RORA: variants seen among roughly 807,000 people sequenced by gnomAD.
RORA encodes nuclear receptor ROR-alpha.
Under a neutral mutation model 69.5 loss-of-function variants are expected in RORA, and 7 were observed. That is an observed-to-expected ratio of 0.10 (90% CI 0.06 to 0.19). The LOEUF is 0.19. Ranked by LOEUF, RORA falls within the 10% of genes least tolerant of loss-of-function variation. The pLI is 1.00. For missense variants in RORA, 457 were observed against 663.0 expected (o/e 0.69, Z 3.41); for synonymous variants, 261 against 240.8 (o/e 1.08, Z -0.78).
chr15:61,167,417 A>T (rs2079547423), intron 1 of RORA, among the ~76,000 whole-genome samples: 1 of 151,320 alleles, frequency 6.6e-6, no homozygotes, highest in Non-Finnish European at 1.5e-5. Context: ...ATAAACATTG[A>T]GATCCTTATC....
rs1405561893 is a variant in RORA, at chr15:60,941,944, T to C, written c.167-263258A>G. Among the ~76,000 whole-genome samples, 4 of 152,238 alleles carry C rather than the reference T, an allele frequency of 2.6e-5. No individual in the cohort carries two copies. The East Asian group carries it at 7.7e-4, about 29-fold the overall frequency. The stretch of plus-strand genomic sequence containing the variant: ...CATTTTAGGAAGATAATTGTTGATC[T>C]TTGCATTACCCACCAGTCCAGTGAG... On this transcript the variant is annotated intron_variant, in intron 1 of 10. Coordinates refer to ENST00000335670, the MANE Select transcript of RORA (RefSeq NM_134261.3).
At chr15:60,653,947 CA>C (rs2070184266) in intron 2 of RORA, among the ~76,000 whole-genome samples, 1 of 152,124 alleles carries the variant, frequency 6.6e-6, no homozygotes, top group African/African-American at 2.4e-5. Flanking sequence ...GCTTTAGGGT[CA>C]ATTAAAATCT....
intron 2 of RORA, among the ~76,000 whole-genome samples, chr15:60,533,902 T>C (rs901525515): frequency 6.6e-6 from 1 of 152,178 alleles, no homozygotes; most frequent in Non-Finnish European, 1.5e-5. Context: ...CCTCTTTAGG[T>C]CCTAGCATTT....
At chr15:61,087,825 G>A (rs2078647307) in intron 1 of RORA, among the ~76,000 whole-genome samples, 1 of 152,220 alleles carries the variant, frequency 6.6e-6, no homozygotes, top group Non-Finnish European at 1.5e-5. Context: ...GTGTTCTGCA[G>A]TGAATTTATG....
chr15:61,191,364 GCAAA>G (rs1567030896), intron 1 of RORA, among the ~76,000 whole-genome samples: 1 of 17,592 alleles, frequency 5.7e-5, no homozygotes. Flanking sequence ...TCTCCTTGTA[GCAAA>G]AAAAAAAAAA....
chr15:61,228,305 T>G (rs1483687804), intron 1 of RORA, among the ~76,000 whole-genome samples: 1 of 152,086 alleles, frequency 6.6e-6, no homozygotes, highest in African/African-American at 2.4e-5. Context: ...CCCGCCAGCC[T>G]GGGCGCCGGG....
At chr15:60,574,168 A>G (rs544716897) in intron 2 of RORA, among the ~76,000 whole-genome samples, 1 of 152,292 alleles carries the variant, frequency 6.6e-6, no homozygotes, top group South Asian at 2.1e-4. Flanking sequence ...CTCAGCCCCC[A>G]ATTGGAGCTA....
intron 1 of RORA, among the ~76,000 whole-genome samples, chr15:60,750,791 C>A (rs1203452448): frequency 6.6e-6 from 1 of 152,200 alleles, no homozygotes; most frequent in Non-Finnish European, 1.5e-5. Flanking sequence ...ATTCAGTATT[C>A]TAGCAGTTGC....
At chr15:61,160,998 C>T (rs898159501) in intron 1 of RORA, among the ~76,000 whole-genome samples, 2 of 152,206 alleles carry the variant, frequency 1.3e-5, no homozygotes, top group South Asian at 2.1e-4. Context: ...CCATTAAAAG[C>T]CAATTGTATT....
At chr15:60,505,123 GCTTC>G (rs1348809292) in intron 6 of RORA, among the ~76,000 whole-genome samples, 1 of 152,106 alleles carries the variant, frequency 6.6e-6, no homozygotes, top group Non-Finnish European at 1.5e-5. Flanking sequence ...GAAACATGAG[GCTTC>G]CTTGTCAACT....
intron 1 of RORA, among the ~76,000 whole-genome samples, chr15:61,118,639 G>T (rs2079071837): frequency 6.6e-6 from 1 of 152,142 alleles, no homozygotes; most frequent in Non-Finnish European, 1.5e-5. Context: ...TCAGCCAGAG[G>T]TGAGAGAGAG....
chr15:60,614,679 A>G (rs1277321359), intron 2 of RORA, among the ~76,000 whole-genome samples: 1 of 152,158 alleles, frequency 6.6e-6, no homozygotes, highest in African/African-American at 2.4e-5. Flanking sequence ...GGCTTGACAG[A>G]ATAAGGTTCA....
At chr15:60,507,825 T>C (rs2141298323) in intron 5 of RORA, among the ~76,000 whole-genome samples, 1 of 152,310 alleles carries the variant, frequency 6.6e-6, no homozygotes, top group East Asian at 1.9e-4. Flanking sequence ...AAGAGGCTCA[T>C]ATCATTTCCT....
Position 60,498,103 on chromosome 15 carries a change from A to G in RORA, c.1408-484T>C, listed in dbSNP as rs549395753. Among the ~76,000 whole-genome samples the G allele has an allele frequency of 1.1e-3, 160 of 152,156 alleles. 1 individual carries two copies. Among genetic ancestry groups the G allele is most frequent in the Non-Finnish European group, 1.9e-3 (129 of 68,012 alleles). On this transcript the variant is annotated intron_variant, in intron 10 of 10. Coordinates refer to ENST00000335670, the MANE Select transcript of RORA (RefSeq NM_134261.3). ...AAATGATGATATAGTCATGTCATAG[A>G]ATGCCAAGTATACATTAAATATGAT... is the stretch of plus-strand genomic sequence containing the variant.
intron 1 of RORA, among the ~76,000 whole-genome samples, chr15:60,723,007 T>C (rs540922331): frequency 1.6e-3 from 238 of 152,274 alleles, no homozygotes; most frequent in African/African-American, 5.6e-3. Context: ...AGAAAAAAAC[T>C]AGCTTGCAAG....
intron 1 of RORA, among the ~76,000 whole-genome samples, chr15:60,842,284 T>C (rs2073209345): frequency 6.6e-6 from 1 of 152,174 alleles, no homozygotes; most frequent in African/African-American, 2.4e-5. Flanking sequence ...ATATCATCCC[T>C]GCAGGAATAT....
At chr15:61,181,456 G>A (rs2079685008) in intron 1 of RORA, 1 of 152,032 alleles carries the variant, frequency 6.6e-6, no homozygotes, top group Admixed American at 6.6e-5. Context: ...AAAGCAAAAA[G>A]CAGCACTAAA....
intron 2 of RORA, among the ~76,000 whole-genome samples, chr15:60,640,419 T>C (rs1377262192): frequency 6.6e-6 from 1 of 152,184 alleles, no homozygotes; most frequent in East Asian, 1.9e-4. Context: ...TTAAACCCAG[T>C]GCAATCCATC....
chr15:60,507,258 T>C lies in RORA; in HGVS notation c.821-1629A>G, dbSNP rs556728962. On this transcript the variant is annotated intron_variant, in intron 5 of 10. Transcript: ENST00000335670. ...TCTCCCTAGGGTTTTGAGTATAGAA[T>C]AGGCAAGTCATTTTAAAAGAACGGT... Among the ~76,000 whole-genome samples, 12 of 152,314 alleles carry C rather than the reference T, an allele frequency of 7.9e-5. No homozygotes were observed. In the South Asian group the frequency reaches 2.5e-3, roughly 32 times the overall value.
Sources: allele counts gnomAD v4.1 joint callset (sites outside exome capture counted in the v4.1 genomes callset), GRCh38; gene constraint gnomAD v4.1.1; transcripts MANE v1.5; gene names NCBI Gene and HGNC (gene_info 2026-07-23, HGNC 2026-07-21).